ATRNL1: variants seen among roughly 807,000 people sequenced by gnomAD.
ATRNL1 encodes attractin like 1, also known as attractin-like protein 1.
A neutral mutation model predicts 182.7 loss-of-function variants in ATRNL1; 95 were observed. The ratio of observed to expected loss-of-function variants is 0.52; its 90% CI spans 0.44 to 0.62. The LOEUF (loss-of-function observed/expected upper bound fraction) is 0.62, where lower values mean the gene tolerates loss of function less well. Ranked by LOEUF, ATRNL1 falls within the 20% of genes least tolerant of loss-of-function variation. The pLI is 0.00. For missense variants in ATRNL1, 1,471 were observed against 1,679.5 expected (o/e 0.88, Z 2.17); for synonymous variants, 576 against 568.3 (o/e 1.01, Z -0.19).
At chr10:115,157,378 G>A (rs972544412) in intron 5 of ATRNL1, among the ~76,000 whole-genome samples, 1 of 151,810 alleles carries the variant, frequency 6.6e-6, no homozygotes, top group Non-Finnish European at 1.5e-5. Flanking sequence ...AGTCATTTTG[G>A]TTATAGAATA....
chr10:115,232,240 C>T (rs1554900175), intron 9 of ATRNL1, among the ~76,000 whole-genome samples: 1 of 152,146 alleles, frequency 6.6e-6, no homozygotes, highest in Non-Finnish European at 1.5e-5. Context: ...CATTTCTTCT[C>T]AACAATCTCA....
At chr10:115,890,772 G>A (rs970111816) in intron 28 of ATRNL1, among the ~76,000 whole-genome samples, 14 of 152,156 alleles carry the variant, frequency 9.2e-5, no homozygotes, top group Non-Finnish European at 4.4e-5. Flanking sequence ...TCAGCTTAAT[G>A]GTACCTTTTA....
chr10:115,924,382 G>T (rs1250229185), intron 28 of ATRNL1, among the ~76,000 whole-genome samples: 1 of 152,000 alleles, frequency 6.6e-6, no homozygotes, highest in South Asian at 2.1e-4. Context: ...ATGGATTGGG[G>T]TTTTACATTT....
intron 26 of ATRNL1, among the ~76,000 whole-genome samples, chr10:115,561,835 T>TA: frequency 6.6e-6 from 1 of 152,210 alleles, no homozygotes; most frequent in East Asian, 1.9e-4. Context: ...TGATCGATAA[T>TA]AATGTTATTA....
At chr10:115,625,578 A>T (rs754757298) in intron 26 of ATRNL1, among the ~76,000 whole-genome samples, 22 of 152,196 alleles carry the variant, frequency 1.4e-4, no homozygotes, top group Non-Finnish European at 2.5e-4. Flanking sequence ...CTATCTGGAA[A>T]GTTTTATCCA....
At chr10:115,721,752 C>CT (rs1490373665) in intron 26 of ATRNL1, among the ~76,000 whole-genome samples, 1 of 152,146 alleles carries the variant, frequency 6.6e-6, no homozygotes, top group Non-Finnish European at 1.5e-5. Flanking sequence ...AACCATATCA[C>CT]TTATATATGC....
chr10:115,800,512 C>T (rs191317094), intron 27 of ATRNL1, among the ~76,000 whole-genome samples: 4 of 151,818 alleles, frequency 2.6e-5, no homozygotes, highest in Admixed American at 2.6e-4. Context: ...TTTTTTTCAA[C>T]CCCAGAGGTC....
At chr10:115,151,039 A>G (rs1846202272) in intron 5 of ATRNL1, among the ~76,000 whole-genome samples, 1 of 152,224 alleles carries the variant, frequency 6.6e-6, no homozygotes, top group Middle Eastern at 3.2e-3. Context: ...TGTCCCTACA[A>G]AGGACATGAA....
At chr10:115,694,115 C>G (rs1555049019) in intron 26 of ATRNL1, among the ~76,000 whole-genome samples, 1 of 151,646 alleles carries the variant, frequency 6.6e-6, no homozygotes. Flanking sequence ...TTGCCATTTT[C>G]TGTTCCTAAA....
chr10:115,658,090 C>CA (rs1749525677), intron 26 of ATRNL1, among the ~76,000 whole-genome samples: 1 of 90,288 alleles, frequency 1.1e-5, no homozygotes, highest in Non-Finnish European at 2.0e-5. Flanking sequence ...AATTTTTTTC[C>CA]TTTTTTTTTT....
At chr10:115,153,645 A>AT (rs1274436870) in intron 5 of ATRNL1, among the ~76,000 whole-genome samples, 3 of 150,886 alleles carry the variant, frequency 2.0e-5, no homozygotes, top group Admixed American at 1.3e-4. Context: ...AATTTTGTTG[A>AT]TTTTTTCAAA....
chr10:115,168,227 G>C (rs114624137), intron 7 of ATRNL1, among the ~76,000 whole-genome samples: 2 of 152,010 alleles, frequency 1.3e-5, no homozygotes. Context: ...TTTATTCATC[G>C]GTTGAGGACA....
At chr10:115,873,071 G>A (rs371508672) in intron 28 of ATRNL1, among the ~76,000 whole-genome samples, 7 of 152,166 alleles carry the variant, frequency 4.6e-5, no homozygotes, top group East Asian at 1.9e-4. Flanking sequence ...GACGATAGCC[G>A]TGCGATAGCT....
At chr10:115,342,912 T>A (rs1855815349) in intron 19 of ATRNL1, among the ~76,000 whole-genome samples, 1 of 152,190 alleles carries the variant, frequency 6.6e-6, no homozygotes, top group South Asian at 2.1e-4. Context: ...AAAGTTGTTT[T>A]CCTTCAGCAC....
chr10:115,807,380 G>C (rs1949946060), intron 27 of ATRNL1, among the ~76,000 whole-genome samples: 1 of 152,214 alleles, frequency 6.6e-6, no homozygotes, highest in Non-Finnish European at 1.5e-5. Context: ...CCCCTAAAGT[G>C]CTGGGATTAT....
At chr10:115,642,714 G>A (rs1189019283) in intron 26 of ATRNL1, among the ~76,000 whole-genome samples, 1 of 152,054 alleles carries the variant, frequency 6.6e-6, no homozygotes, top group African/African-American at 2.4e-5. Flanking sequence ...CAAAGTGCTG[G>A]GATTACAGGC....
intron 21 of ATRNL1, among the ~76,000 whole-genome samples, chr10:115,429,592 T>C (rs1846054942): frequency 6.6e-6 from 1 of 152,332 alleles, no homozygotes; most frequent in South Asian, 2.1e-4. Context: ...ATAGATTTTC[T>C]CACATTAAAC....
intron 5 of ATRNL1, among the ~76,000 whole-genome samples, chr10:115,147,459 C>G (rs1163522192): frequency 6.6e-6 from 1 of 152,086 alleles, no homozygotes; most frequent in African/African-American, 2.4e-5. Flanking sequence ...TGTGCAGAAG[C>G]TTTTTAGTTG....
At chr10:115,544,730 G>T (rs1554993140) in intron 25 of ATRNL1, among the ~76,000 whole-genome samples, 1 of 152,110 alleles carries the variant, frequency 6.6e-6, no homozygotes, top group Non-Finnish European at 1.5e-5. Context: ...TATCAGAAGG[G>T]ATAGCATGGA....
Sources: gnomAD v4.1 joint callset for allele counts (sites outside exome capture counted in the v4.1 genomes callset) on GRCh38, gnomAD v4.1.1 for gene constraint, MANE v1.5 for transcripts, NCBI Gene and HGNC (gene_info 2026-07-23, HGNC 2026-07-21) for gene names.